Variants in SRGAP1 observed in about 807,000 individuals in gnomAD.
The protein encoded by SRGAP1 is SLIT-ROBO Rho GTPase-activating protein 1.
SRGAP1 carries 43 observed loss-of-function variants against 121.9 expected under a neutral mutation model. The observed-to-expected ratio is 0.35, with a 90% CI of 0.28 to 0.46. The LOEUF (loss-of-function observed/expected upper bound fraction) is 0.46, where lower values mean the gene tolerates loss of function less well. Among genes scored for constraint, SRGAP1 ranks in the 20% least tolerant of loss-of-function variants. The pLI, the probability that SRGAP1 is intolerant of heterozygous loss-of-function variation, is 1.00. For synonymous variants in SRGAP1, 447 were observed against 485.4 expected (o/e 0.92, Z 1.04); for missense variants, 1,102 against 1,350.9 (o/e 0.82, Z 2.89).
At chr12:64,087,965 T>A (rs2035978861) in intron 11 of SRGAP1, among the ~76,000 whole-genome samples, 1 of 152,184 alleles carries the variant, frequency 6.6e-6, no homozygotes. Flanking sequence ...GTGGCAACTT[T>A]TATTTTTCTA....
chr12:64,032,896 CTT>C (rs758260310), intron 4 of SRGAP1, among the ~76,000 whole-genome samples: 2 of 151,840 alleles, frequency 1.3e-5, no homozygotes, highest in Non-Finnish European at 2.9e-5. Context: ...TCTACATTAC[CTT>C]TTTTAGTCAT....
chr12:64,036,149 C>T (rs150220806), intron 4 of SRGAP1, among the ~76,000 whole-genome samples: 1 of 152,256 alleles, frequency 6.6e-6, no homozygotes, highest in Non-Finnish European at 1.5e-5. Context: ...GCACACGTGT[C>T]CTGAGTGCTC....
chr12:64,134,458 A>G (rs913574419), intron 21 of SRGAP1, among the ~76,000 whole-genome samples: 1 of 151,982 alleles, frequency 6.6e-6, no homozygotes, highest in Non-Finnish European at 1.5e-5. Flanking sequence ...GCTCTCACAA[A>G]TCTGTTTTGC....
chr12:63,949,450 C>T (rs954497072), intron 1 of SRGAP1, among the ~76,000 whole-genome samples: 6 of 141,190 alleles, frequency 4.2e-5, no homozygotes, highest in African/African-American at 1.3e-4. Flanking sequence ...TATTTTGAGA[C>T]GGAACCTCGC....
intron 17 of SRGAP1, among the ~76,000 whole-genome samples, chr12:64,113,167 G>A (rs1351329302): frequency 6.6e-6 from 1 of 152,072 alleles, no homozygotes; most frequent in East Asian, 1.9e-4. Flanking sequence ...CAGCACTTTG[G>A]GAGGCTGAGG....
intron 11 of SRGAP1, 148 bp downstream of exon 11, chr12:64,087,174 G>T: frequency 1.7e-6 from 1 of 583,280 alleles, no homozygotes; most frequent in African/African-American, 1.9e-5. Flanking sequence ...TGAAATGTTT[G>T]GGCTTCTTAC....
chr12:63,855,479 T>TTTTTGTTG (rs1899212262), intron 1 of SRGAP1, among the ~76,000 whole-genome samples: 2 of 100,658 alleles, frequency 2.0e-5, no homozygotes, highest in African/African-American at 7.6e-5. Flanking sequence ...TGGTGTTTTT[T>TTTTTGTTG]TTTTTTTTTT....
intron 9 of SRGAP1, among the ~76,000 whole-genome samples, chr12:64,079,646 A>C (rs930026153): frequency 6.6e-6 from 1 of 151,958 alleles, no homozygotes; most frequent in African/African-American, 2.4e-5. Context: ...AGATCATTCT[A>C]CTGCACTCCA....
At position 64,159,727 on chromosome 12, in the gene SRGAP1, T is replaced by C. The variant is rs1273170354; in HGVS notation, c.*17055T>C. ...CATGGCACTCATAGAAGCCTCCCGT[T>C]AAGATGGCAGAGCTGTAATGCTAGA... On this transcript the variant is annotated 3_prime_UTR_variant, in exon 22 of 22. Coordinates refer to ENST00000355086, the MANE Select transcript of SRGAP1 (RefSeq NM_020762.4). 1 of 152,218 alleles carries C rather than the reference T, an allele frequency of 6.6e-6. No homozygotes were observed. The highest frequency in any genetic ancestry group is 2.4e-5 in the African/African-American group (1 of 41,448). The allele number at this position is 152,218 out of a possible 1,614,324, so 9.4% of individuals were successfully genotyped here. A position where few individuals can be genotyped will look rare whatever the true frequency, so the allele number is the denominator to read the frequency against.
At chr12:63,848,067 G>A (rs912761306) in intron 1 of SRGAP1, among the ~76,000 whole-genome samples, 4 of 151,536 alleles carry the variant, frequency 2.6e-5, no homozygotes, top group South Asian at 4.2e-4. Flanking sequence ...GTGCAGTGGC[G>A]TGGTCTCGGC....
At chr12:63,855,473 GTTTTTTTTT>G (rs781701925) in intron 1 of SRGAP1, among the ~76,000 whole-genome samples, 27 of 52,938 alleles carry the variant, frequency 5.1e-4, no homozygotes, top group Admixed American at 1.7e-3. Context: ...GAAAAATGGT[GTTTTTTTTT>G]TTTTTTTTTT....
At chr12:64,032,596 G>A (rs779325941) in intron 4 of SRGAP1, 15 of 606,900 alleles carry the variant, frequency 2.5e-5, no homozygotes, top group South Asian at 1.6e-4. Context: ...TCCTGCCCCC[G>A]ACAGCTGACA....
At chr12:63,965,259 ACAC>A (rs1214285668) in intron 1 of SRGAP1, among the ~76,000 whole-genome samples, 4 of 152,188 alleles carry the variant, frequency 2.6e-5, no homozygotes, top group African/African-American at 9.7e-5. Context: ...CAGTATATGA[ACAC>A]ATCATTGGGT....
At position 64,131,126 on chromosome 12, in the gene SRGAP1, G is replaced by A. The variant is rs190998769; in HGVS notation, c.2880+2926G>A. Among the ~76,000 whole-genome samples, 372 of 152,282 alleles carry A rather than the reference G, an allele frequency of 2.4e-3. 1 individual carries two copies. Among genetic ancestry groups the A allele is most frequent in the African/African-American group, 8.5e-3 (355 of 41,548 alleles). On this transcript the variant is annotated intron_variant, in intron 21 of 21. Coordinates refer to ENST00000355086, the MANE Select transcript of SRGAP1 (RefSeq NM_020762.4). ...TCATGGGCCCATTGAGCAAGAACAG[G>A]GGTGGCTGGGGAAAGAGGCTGAATG... is the stretch of plus-strand genomic sequence containing the variant.
At chr12:63,999,496 T>G (rs1362803852) in intron 3 of SRGAP1, among the ~76,000 whole-genome samples, 5 of 152,090 alleles carry the variant, frequency 3.3e-5, no homozygotes, top group African/African-American at 1.2e-4. Flanking sequence ...GAGGAGCAGG[T>G]GGATTCGAGT....
intron 1 of SRGAP1, among the ~76,000 whole-genome samples, chr12:63,895,747 G>A (rs758455136): frequency 1.3e-5 from 2 of 152,172 alleles, no homozygotes; most frequent in Non-Finnish European, 2.9e-5. Context: ...AAGTGATGAC[G>A]TAGACAAAGA....
chr12:64,013,521 G>A (rs2034311918), intron 3 of SRGAP1, among the ~76,000 whole-genome samples: 1 of 152,128 alleles, frequency 6.6e-6, no homozygotes, highest in Non-Finnish European at 1.5e-5. Flanking sequence ...CATTCAAAGT[G>A]GACAAACAGG....
rs1040821362 is a variant in SRGAP1, at chr12:63,974,947, CTG to C, written c.68-8997_68-8996del. On this transcript the variant is annotated intron_variant, in intron 1 of 21. Transcript: ENST00000355086. ...CCAGAGCCAACCCCTCTGAAGCTAT[CTG>C]TGATGATGACCCCCAAGTGGCCAGT... is the stretch of plus-strand genomic sequence containing the variant. 4.3e-4 allele frequency among the ~76,000 whole-genome samples: 66 copies of C among 152,198 alleles called. 3 individuals are homozygous for C. The highest frequency in any genetic ancestry group is 4.4e-5 in the Non-Finnish European group (3 of 68,038).
chr12:64,083,263 T>G (rs184194459), intron 10 of SRGAP1, among the ~76,000 whole-genome samples: 1 of 152,302 alleles, frequency 6.6e-6, no homozygotes, highest in South Asian at 2.1e-4. Flanking sequence ...ACTTTTTATA[T>G]AGAAATCACC....
Sources: gnomAD v4.1 joint callset for allele counts (sites outside exome capture counted in the v4.1 genomes callset) on GRCh38, gnomAD v4.1.1 for gene constraint, MANE v1.5 for transcripts, NCBI Gene and HGNC (gene_info 2026-07-23, HGNC 2026-07-21) for gene names.